The following NFIB variants were observed in gnomAD, a reference collection of about 807,000 sequenced individuals.
NFIB encodes the protein nuclear factor 1 B-type.
NFIB carries 11 observed loss-of-function variants against 61.5 expected under a neutral mutation model. The ratio of observed to expected loss-of-function variants is 0.18; its 90% confidence interval spans 0.11 to 0.30. The LOEUF is 0.30. Ranked by LOEUF, NFIB falls within the 10% of genes least tolerant of loss-of-function variation. The pLI, the probability that NFIB is intolerant of heterozygous loss-of-function variation, is 1.00. For synonymous variants in NFIB, 260 were observed against 216.5 expected (o/e 1.20, Z -1.76); for missense variants, 471 against 608.9 (o/e 0.77, Z 2.38).
chr9:14,125,210 T>C (rs564869351), intron 7 of NFIB, among the ~76,000 whole-genome samples: 158 of 152,336 alleles, frequency 1.0e-3, no homozygotes, highest in African/African-American at 3.7e-3. Flanking sequence ...TAGGCTGGAG[T>C]GCAGTGGCAC....
chr9:14,155,156 A>G (rs2043260439), intron 4 of NFIB, among the ~76,000 whole-genome samples: 1 of 152,206 alleles, frequency 6.6e-6, no homozygotes, highest in African/African-American at 2.4e-5. Flanking sequence ...ATAGATCTGC[A>G]TCTTGGATAT....
At chr9:14,233,922 AG>A (rs900359112) in intron 2 of NFIB, among the ~76,000 whole-genome samples, 10 of 152,332 alleles carry the variant, frequency 6.6e-5, no homozygotes, top group South Asian at 4.1e-4. Flanking sequence ...AATATTCAAA[AG>A]GAAAATTTTT....
At chr9:14,463,850 C>T in the NFIB span, among the ~76,000 whole-genome samples, 2 of 151,834 alleles carry the variant, frequency 1.3e-5, no homozygotes, top group Non-Finnish European at 2.9e-5. Context: ...TTAGTAGAGA[C>T]AGGGTTTCAC....
chr9:14,298,236 A>T, intron 2 of NFIB, among the ~76,000 whole-genome samples: 1 of 152,194 alleles, frequency 6.6e-6, no homozygotes, highest in East Asian at 1.9e-4. Context: ...TTTTTTCAGT[A>T]CTAGTCAAAG....
At chr9:14,497,302 G>A in the NFIB span, among the ~76,000 whole-genome samples, 1 of 152,178 alleles carries the variant, frequency 6.6e-6, no homozygotes, top group Non-Finnish European at 1.5e-5. Flanking sequence ...ACATGGGACA[G>A]GTGCCAAGGG....
chr9:14,200,456 T>A (rs1220504289), intron 2 of NFIB, among the ~76,000 whole-genome samples: 1 of 152,144 alleles, frequency 6.6e-6, no homozygotes, highest in African/African-American at 2.4e-5. Flanking sequence ...AAAATAATAA[T>A]CCTCATGCCC....
At chr9:14,370,310 G>A (rs932316858) in intron 1 of NFIB, among the ~76,000 whole-genome samples, 1 of 152,128 alleles carries the variant, frequency 6.6e-6, no homozygotes, top group Non-Finnish European at 1.5e-5. Context: ...TATATTAATG[G>A]TCTATGGAGC....
At chr9:14,298,647 C>G (rs568980091) in intron 2 of NFIB, among the ~76,000 whole-genome samples, 12 of 152,220 alleles carry the variant, frequency 7.9e-5, no homozygotes, top group African/African-American at 2.9e-4. Context: ...TGCAGACGGA[C>G]GCCTTGAATC....
chr9:14,119,771 A>C (rs2038681284), intron 8 of NFIB, among the ~76,000 whole-genome samples: 1 of 152,218 alleles, frequency 6.6e-6, no homozygotes, highest in African/African-American at 2.4e-5. Flanking sequence ...GAAAATGCTC[A>C]TATACCAAAT....
intron 2 of NFIB, among the ~76,000 whole-genome samples, chr9:14,239,533 T>C (rs2054140671): frequency 6.6e-6 from 1 of 152,100 alleles, no homozygotes; most frequent in Admixed American, 6.6e-5. Context: ...ACTTATTATC[T>C]ATGAAGGAAA....
chr9:14,088,944 G>A (rs1000555168), intron 10 of NFIB, among the ~76,000 whole-genome samples: 1 of 152,084 alleles, frequency 6.6e-6, no homozygotes, highest in Non-Finnish European at 1.5e-5. Flanking sequence ...GAGTTTTTTA[G>A]TAAAGACCGA....
At chr9:14,228,209 T>G (rs1697445931) in intron 2 of NFIB, among the ~76,000 whole-genome samples, 2 of 151,490 alleles carry the variant, frequency 1.3e-5, no homozygotes, top group South Asian at 4.2e-4. Flanking sequence ...TTTTTTTTTT[T>G]TTTTTGAGAC....
intron 10 of NFIB, among the ~76,000 whole-genome samples, chr9:14,107,851 A>G (rs2036797717): frequency 6.6e-6 from 1 of 152,082 alleles, no homozygotes; most frequent in Admixed American, 6.5e-5. Context: ...CTAAGTTAAT[A>G]TTTTCAGAAA....
At chr9:14,270,579 C>CAAAAAAAAAA (rs147823074) in intron 2 of NFIB, among the ~76,000 whole-genome samples, 1 of 54,406 alleles carries the variant, frequency 1.8e-5, no homozygotes, top group East Asian at 7.5e-4. Context: ...CCTTAGATCA[C>CAAAAAAAAAA]AAAAAAAAAA....
intron 1 of NFIB, among the ~76,000 whole-genome samples, chr9:14,323,652 AGC>A (rs1244358968): frequency 6.6e-5 from 10 of 152,220 alleles, no homozygotes; most frequent in African/African-American, 2.4e-4. Flanking sequence ...AGACTAGAAT[AGC>A]TCCCGATGAA....
At chr9:14,295,373 C>G (rs1424481910) in intron 2 of NFIB, among the ~76,000 whole-genome samples, 2 of 152,238 alleles carry the variant, frequency 1.3e-5, no homozygotes, top group East Asian at 3.9e-4. Flanking sequence ...TGCCTGTAAT[C>G]CCAGCACTTT....
At chr9:14,487,744 T>C in the NFIB span, among the ~76,000 whole-genome samples, 3 of 152,236 alleles carry the variant, frequency 2.0e-5, no homozygotes, top group Non-Finnish European at 4.4e-5. Context: ...GCACCATGGC[T>C]TTCCAAGCTA....
At chr9:14,217,642 A>G (rs1383067239) in intron 2 of NFIB, among the ~76,000 whole-genome samples, 1 of 137,802 alleles carries the variant, frequency 7.3e-6, no homozygotes, top group Non-Finnish European at 1.5e-5. Context: ...CCTGGGCAAC[A>G]AGAGTGAAAC....
intron 2 of NFIB, among the ~76,000 whole-genome samples, chr9:14,275,456 G>A (rs2057933655): frequency 6.6e-6 from 1 of 152,154 alleles, no homozygotes; most frequent in Non-Finnish European, 1.5e-5. Context: ...AAACAGGGAA[G>A]AAAAAGTGCA....
Sources: gnomAD v4.1 joint callset for allele counts (sites outside exome capture counted in the v4.1 genomes callset) on GRCh38, gnomAD v4.1.1 for gene constraint, MANE v1.5 for transcripts, NCBI Gene and HGNC (gene_info 2026-07-23, HGNC 2026-07-21) for gene names.